ZNF714: variants seen among roughly 807,000 people sequenced by gnomAD.
ZNF714 encodes the protein zinc finger protein 714.
A neutral mutation model predicts 46.2 loss-of-function variants in ZNF714; 32 were observed. That is an observed-to-expected ratio of 0.69 (90% CI 0.52 to 0.93). ZNF714 has a LOEUF of 0.93. Among genes scored for constraint, ZNF714 ranks in the 40% least tolerant of loss-of-function variants. The pLI is 0.00. For synonymous variants in ZNF714, 199 were observed against 213.1 expected (o/e 0.93, Z 0.58); for missense variants, 635 against 646.3 (o/e 0.98, Z 0.19).
chr19:21,090,806 G>T (rs1183615795), intron 2 of ZNF714: 1 of 150,960 alleles, frequency 6.6e-6, no homozygotes, highest in African/African-American at 2.4e-5. Context: ...AGGGCTGATG[G>T]TTGCACATTT....
At chr19:21,093,442 G>A (rs1483664692) in intron 2 of ZNF714, among the ~76,000 whole-genome samples, 3 of 150,506 alleles carry the variant, frequency 2.0e-5, no homozygotes, top group African/African-American at 7.3e-5. Flanking sequence ...ATGTTGCCCA[G>A]GCTGGTCTCA....
chr19:21,122,605 A>T lies in ZNF714; in HGVS notation c.*4273A>T, dbSNP rs1051237059. ...GCCTGGGTGACAGAATGAGACTCAT[A>T]AAAAAAAAAATAAATTCTGCTTCTT... On this transcript the variant is annotated 3_prime_UTR_variant, in exon 5 of 5. Coordinates refer to ENST00000456283, the MANE Select transcript of ZNF714 (RefSeq NM_182515.4). 6.8e-5 allele frequency: 10 copies of T among 146,532 alleles called. No individual in the cohort carries two copies. The highest frequency in any genetic ancestry group is 2.0e-4 in the African/African-American group (8 of 39,654). 9.1% of individuals were successfully genotyped at this position (146,532 alleles called of 1,614,324 possible). A position where few individuals can be genotyped will look rare whatever the true frequency, so the allele number is the denominator to read the frequency against.
At chr19:21,093,931 A>C (rs1299606487) in intron 2 of ZNF714, among the ~76,000 whole-genome samples, 16 of 151,984 alleles carry the variant, frequency 1.1e-4, no homozygotes, top group Admixed American at 1.0e-3. Context: ...ACCTCACCTG[A>C]CCATACCTTA....
intron 2 of ZNF714, chr19:21,091,359 C>T (rs1968904883): frequency 6.6e-6 from 1 of 152,162 alleles, no homozygotes; most frequent in African/African-American, 2.4e-5. Context: ...TGTTATCAGC[C>T]AGGTCTTTGT....
chr19:21,112,740 G>A (rs1405696560), intron 4 of ZNF714, among the ~76,000 whole-genome samples: 1 of 147,002 alleles, frequency 6.8e-6, no homozygotes, highest in East Asian at 2.0e-4. Context: ...CATGAACACT[G>A]CTTTAGCTGT....
intron 4 of ZNF714, among the ~76,000 whole-genome samples, chr19:21,116,353 A>AT (rs1179373220): frequency 6.6e-6 from 1 of 151,888 alleles, no homozygotes; most frequent in Non-Finnish European, 1.5e-5. Flanking sequence ...ATATACCACC[A>AT]TTTTTTTCAG....
At chr19:21,090,460 A>G (rs1393842548) in intron 2 of ZNF714, among the ~76,000 whole-genome samples, 1 of 152,174 alleles carries the variant, frequency 6.6e-6, no homozygotes, top group Non-Finnish European at 1.5e-5. Context: ...AGTGCAAGAC[A>G]GATTAATCCA....
chr19:21,098,081 C>T, intron 2 of ZNF714, 104 bp from the exon 3 acceptor site: 1 of 1,456,722 alleles, frequency 6.9e-7, no homozygotes, highest in South Asian at 1.5e-5. Context: ...TCTTATAAGT[C>T]AACCAATTCT....
chr19:21,085,878 A>C (rs1968766369), intron 2 of ZNF714, among the ~76,000 whole-genome samples: 1 of 54,658 alleles, frequency 1.8e-5, no homozygotes, highest in Non-Finnish European at 6.4e-5. Context: ...AGTTAGGTTT[A>C]TGTAAAAAAA....
At chr19:21,108,465 C>A (rs1263874319) in intron 4 of ZNF714, among the ~76,000 whole-genome samples, 1 of 152,166 alleles carries the variant, frequency 6.6e-6, no homozygotes, top group East Asian at 1.9e-4. Flanking sequence ...GGGACAAATT[C>A]TTCATGAATG....
At chr19:21,094,581 C>T (rs989985181) in intron 2 of ZNF714, among the ~76,000 whole-genome samples, 1 of 152,154 alleles carries the variant, frequency 6.6e-6, no homozygotes, top group Non-Finnish European at 1.5e-5. Flanking sequence ...GGCTGGAGTA[C>T]AGTGGTGTGA....
intron 2 of ZNF714, among the ~76,000 whole-genome samples, chr19:21,092,204 C>G: frequency 6.6e-6 from 1 of 152,080 alleles, no homozygotes; most frequent in Non-Finnish European, 1.5e-5. Flanking sequence ...TGATGACAGA[C>G]CCCCTTTTCC....
In ZNF714 at chr19:21,116,788, T is replaced by A; in HGVS notation, c.143-19T>A. ...AGAGTCTAGTAAGTTGAATAATTTG[T>A]TGTTTGTATTTCTTTCAGCTATGTG... is the stretch of plus-strand genomic sequence containing the variant. On this transcript the variant is annotated intron_variant, in intron 4 of 4. Coordinates refer to ENST00000456283, the MANE Select transcript of ZNF714 (RefSeq NM_182515.4). 1 of 1,562,720 alleles carries A rather than the reference T, an allele frequency of 6.4e-7. No homozygotes were observed. The highest frequency in any genetic ancestry group is 8.6e-7 in the Non-Finnish European group (1 of 1,160,902).
Position 21,119,114 on chromosome 19 carries a change from C to G in ZNF714, c.*782C>G. ...CTGTCAAAAGACCTTTCAGAAAATA[C>G]AAGCTTTTGACCAGGCGTGGTGGCT... On this transcript the variant is annotated 3_prime_UTR_variant, in exon 5 of 5. Coordinates refer to ENST00000456283, the MANE Select transcript of ZNF714 (RefSeq NM_182515.4). 2 of 452,222 alleles carry G rather than the reference C, an allele frequency of 4.4e-6. No homozygotes were observed. The highest frequency in any genetic ancestry group is 4.4e-6 in the Non-Finnish European group (1 of 225,168). 28.0% of individuals were successfully genotyped at this position (452,222 alleles called of 1,614,324 possible).
rs769563788 is a variant in ZNF714, at chr19:21,117,914, T to C, written c.1250T>C (p.Ile417Thr). 4 of 1,612,098 alleles carry C rather than the reference T, an allele frequency of 2.5e-6. No homozygotes were observed. Among genetic ancestry groups the C allele is most frequent in the Non-Finnish European group, 3.4e-6 (4 of 1,179,640 alleles). ...TCCTCAAACCTTACCAAACATAAGA[T>C]AATTCATACTGGAGAGAAACTCTAC... ...NQSSNLTKHK[I>T]IHTGEKLYKC... Residue 417 changes from isoleucine to threonine, a missense_variant, in exon 5 of 5, where the codon ATA becomes ACA. Ile to Thr is a moderately conservative substitution (Grantham distance 89). Transcript: ENST00000456283.
At chr19:21,098,773 G>A (rs1171584470) in intron 3 of ZNF714, 39 bp from the exon 4 acceptor site, 1 of 1,468,814 alleles carries the variant, frequency 6.8e-7, no homozygotes, top group Non-Finnish European at 9.4e-7. Context: ...GGTAACTAGA[G>A]AATATAAGCA....
At chr19:21,112,112 AG>A (rs1386806880) in intron 4 of ZNF714, among the ~76,000 whole-genome samples, 1 of 152,160 alleles carries the variant, frequency 6.6e-6, no homozygotes, top group Non-Finnish European at 1.5e-5. Context: ...TCATAGAATG[AG>A]TTAAGGAGAG....
Position 21,121,831 on chromosome 19 carries a change from T to C in ZNF714, c.*3499T>C, listed in dbSNP as rs1477525872. ...TCTGTATATACTTGCCTGGTACTCA[T>C]GCTAGACCCATACTTTTTTTGTTTC... On this transcript the variant is annotated 3_prime_UTR_variant, in exon 5 of 5. Coordinates refer to ENST00000456283, the MANE Select transcript of ZNF714 (RefSeq NM_182515.4). 1 of 152,242 alleles carries C rather than the reference T, an allele frequency of 6.6e-6. No homozygotes were observed. The highest frequency in any genetic ancestry group is 1.5e-5 in the Non-Finnish European group (1 of 68,036). 9.4% of individuals were successfully genotyped at this position (152,242 alleles called of 1,614,324 possible).
At chr19:21,093,032 C>T (rs183030216) in intron 2 of ZNF714, among the ~76,000 whole-genome samples, 14 of 151,298 alleles carry the variant, frequency 9.3e-5, no homozygotes, top group Non-Finnish European at 1.8e-4. Context: ...GCCTCAGCCT[C>T]CCGAGTAGCT....
Sources: allele counts gnomAD v4.1 joint callset (sites outside exome capture counted in the v4.1 genomes callset), GRCh38; gene constraint gnomAD v4.1.1; transcripts MANE v1.5; gene names NCBI Gene and HGNC (gene_info 2026-07-23, HGNC 2026-07-21).